The following LINGO2 variants were observed in gnomAD, a reference collection of about 807,000 sequenced individuals.
LINGO2 encodes the protein leucine-rich repeat and immunoglobulin-like domain-containing nogo receptor-interacting protein 2.
Under a neutral mutation model 30.6 loss-of-function variants are expected in LINGO2, and 14 were observed. The observed-to-expected ratio is 0.46, with a 90% CI of 0.30 to 0.72. LINGO2 has a LOEUF of 0.72. Among genes scored for constraint, LINGO2 ranks in the 30% least tolerant of loss-of-function variants. LINGO2 has a pLI of 0.07. For synonymous variants in LINGO2, 317 were observed against 288.5 expected, an observed-to-expected ratio of 1.10 and a Z score of -1.00; for missense variants, 729 against 751.7, an observed-to-expected ratio of 0.97 and a Z score of 0.35.
chr9:28,341,050 G>A (rs1825749644), intron 3 of LINGO2, among the ~76,000 whole-genome samples: 1 of 151,990 alleles, frequency 6.6e-6, no homozygotes, highest in Non-Finnish European at 1.5e-5. Flanking sequence ...GGCAAGCAAG[G>A]ACTAGTTTTT....
intron 1 of LINGO2, among the ~76,000 whole-genome samples, chr9:28,596,037 A>T (rs900649513): frequency 5.9e-5 from 9 of 152,194 alleles, no homozygotes; most frequent in African/African-American, 1.9e-4. Flanking sequence ...TCTGCATTGA[A>T]TACACATCAC....
At chr9:28,367,358 C>G (rs1446963597) in intron 3 of LINGO2, among the ~76,000 whole-genome samples, 1 of 152,164 alleles carries the variant, frequency 6.6e-6, no homozygotes, top group Non-Finnish European at 1.5e-5. Context: ...GGTTTTAAAA[C>G]ACTCCTCCTG....
At chr9:29,140,661 G>A in the LINGO2 span, among the ~76,000 whole-genome samples, 1 of 151,684 alleles carries the variant, frequency 6.6e-6, no homozygotes, top group African/African-American at 2.4e-5. Context: ...ACAGACATCA[G>A]AATCAAGAAT....
the LINGO2 span, among the ~76,000 whole-genome samples, chr9:29,045,119 T>C: frequency 6.6e-6 from 1 of 152,160 alleles, no homozygotes; most frequent in African/African-American, 2.4e-5. Context: ...GTAGTATGTA[T>C]AGCTTGAATA....
chr9:28,956,591 TTTCCTTCCTCCC>T, the LINGO2 span, among the ~76,000 whole-genome samples: 2 of 12,320 alleles, frequency 1.6e-4, no homozygotes. Flanking sequence ...TCCCTCCCCC[TTTCCTTCCTCCC>T]TTCTTTCCCT....
chr9:29,004,456 A>C, the LINGO2 span, among the ~76,000 whole-genome samples: 1 of 151,936 alleles, frequency 6.6e-6, no homozygotes, highest in Non-Finnish European at 1.5e-5. Context: ...AAGTGAAAGG[A>C]AGTACATTTA....
chr9:28,008,748 G>A (rs1822396717), intron 5 of LINGO2, among the ~76,000 whole-genome samples: 1 of 152,082 alleles, frequency 6.6e-6, no homozygotes, highest in Admixed American at 6.6e-5. Flanking sequence ...CTAAAACATT[G>A]TTGAAAGACA....
At chr9:28,540,418 G>A (rs1005782809) in intron 1 of LINGO2, among the ~76,000 whole-genome samples, 1 of 151,770 alleles carries the variant, frequency 6.6e-6, no homozygotes, top group Non-Finnish European at 1.5e-5. Context: ...GTGCCACCAC[G>A]TCCGACTAAT....
the LINGO2 span, among the ~76,000 whole-genome samples, chr9:28,688,889 C>G: frequency 6.6e-6 from 1 of 152,010 alleles, no homozygotes; most frequent in African/African-American, 2.4e-5. Flanking sequence ...TGTCTTTTTC[C>G]CCTTAGCTAA....
the LINGO2 span, among the ~76,000 whole-genome samples, chr9:29,185,307 G>C: frequency 6.6e-6 from 1 of 152,032 alleles, no homozygotes; most frequent in Non-Finnish European, 1.5e-5. Context: ...AAGTCTCAAG[G>C]GGTGGGAAAT....
intron 4 of LINGO2, among the ~76,000 whole-genome samples, chr9:28,097,271 G>C (rs1009628382): frequency 1.3e-5 from 2 of 152,114 alleles, no homozygotes; most frequent in African/African-American, 4.8e-5. Flanking sequence ...ATGGAAGTCA[G>C]TGCGGCGATT....
chr9:27,996,694 C>T (rs1294957699), intron 5 of LINGO2, among the ~76,000 whole-genome samples: 1 of 152,100 alleles, frequency 6.6e-6, no homozygotes, highest in Non-Finnish European at 1.5e-5. Context: ...TGTCCAATAG[C>T]ACAATAGGGC....
chr9:28,927,785 A>G, the LINGO2 span, among the ~76,000 whole-genome samples: 1 of 152,182 alleles, frequency 6.6e-6, no homozygotes, highest in Non-Finnish European at 1.5e-5. Flanking sequence ...TTTCTTTTTC[A>G]CAACTCTATG....
At chr9:28,453,772 C>T (rs1044040817) in intron 2 of LINGO2, among the ~76,000 whole-genome samples, 1 of 151,530 alleles carries the variant, frequency 6.6e-6, no homozygotes, top group South Asian at 2.1e-4. Flanking sequence ...TCCTTGGCAA[C>T]CACCTTCAGG....
intron 3 of LINGO2, among the ~76,000 whole-genome samples, chr9:28,309,681 A>T (rs1824530571): frequency 6.6e-6 from 1 of 152,058 alleles, no homozygotes; most frequent in Non-Finnish European, 1.5e-5. Flanking sequence ...TTTAATTACA[A>T]TTTAAAACGT....
chr9:27,962,264 A>T (rs1819885375), intron 5 of LINGO2, among the ~76,000 whole-genome samples: 1 of 152,158 alleles, frequency 6.6e-6, no homozygotes, highest in African/African-American at 2.4e-5. Flanking sequence ...CAATCTGCCT[A>T]TCACCAATTA....
chr9:28,355,070 A>G (rs1012858263), intron 3 of LINGO2, among the ~76,000 whole-genome samples: 12 of 152,196 alleles, frequency 7.9e-5, no homozygotes, highest in African/African-American at 2.9e-4. Context: ...ACTAAGTCTA[A>G]TAGGAAGAGA....
At chr9:28,073,675 C>T (rs1461346111) in intron 4 of LINGO2, among the ~76,000 whole-genome samples, 1 of 152,140 alleles carries the variant, frequency 6.6e-6, no homozygotes, top group Non-Finnish European at 1.5e-5. Flanking sequence ...TGTTTTTCTA[C>T]TTAGATTTCT....
chr9:29,020,219 A>G, the LINGO2 span, among the ~76,000 whole-genome samples: 8 of 152,202 alleles, frequency 5.3e-5, no homozygotes, highest in Non-Finnish European at 1.0e-4. Context: ...TTGGCAAAGA[A>G]ATGTAGTATG....
Sources: gnomAD v4.1 joint callset for allele counts (sites outside exome capture counted in the v4.1 genomes callset) on GRCh38, gnomAD v4.1.1 for gene constraint, MANE v1.5 for transcripts, NCBI Gene and HGNC (gene_info 2026-07-23, HGNC 2026-07-21) for gene names.